The following RIF1 variants were observed in gnomAD, a reference collection of about 807,000 sequenced individuals.
RIF1 encodes replication timing regulatory factor 1, also known as telomere-associated protein RIF1.
A neutral mutation model predicts 247.1 loss-of-function variants in RIF1; 45 were observed. The ratio of observed to expected loss-of-function variants is 0.18; its 90% CI spans 0.14 to 0.23. The LOEUF (loss-of-function observed/expected upper bound fraction) is 0.23. RIF1 is among the 10% of genes least tolerant of loss of function. The probability of loss-of-function intolerance (pLI) is 1.00; values close to 1 mark genes in which losing one functional copy is unlikely to be tolerated. For synonymous variants in RIF1, 1,087 were observed against 978.8 expected, an observed-to-expected ratio of 1.11 and a Z score of -2.06; for missense variants, 2,967 against 2,862.5, an observed-to-expected ratio of 1.04 and a Z score of -0.83.
At chr2:151,419,478 A>G (rs1264495434) in intron 6 of RIF1, among the ~76,000 whole-genome samples, 3 of 151,926 alleles carry the variant, frequency 2.0e-5, no homozygotes, top group African/African-American at 4.8e-5. Context: ...AGCATGTGCC[A>G]CCACACCCAG....
Position 151,432,032 on chromosome 2 carries a change from G to A in RIF1, c.926-1045G>A, listed in dbSNP as rs892217299. Among the ~76,000 whole-genome samples the A allele has an allele frequency of 7.9e-5, 12 of 151,762 alleles. No homozygotes were observed. The East Asian group carries it at 2.3e-3, about 29-fold the overall frequency. On this transcript the variant is annotated intron_variant, in intron 9 of 35. Transcript: ENST00000444746. ...ATTTATTTATTTATTTATTCAGGACGGAGTCTCACTCTGTCACCCAGCCTG... is the reference window on the plus strand; with the variant it reads ...ATTTATTTATTTATTTATTCAGGACAGAGTCTCACTCTGTCACCCAGCCTG...
At chr2:151,508,593 G>A (rs921756332), downstream of RIF1, among the ~76,000 whole-genome samples, 4 of 152,248 alleles carry the variant, frequency 2.6e-5, no homozygotes, top group Non-Finnish European at 5.9e-5. Context: ...GAGCAGGTGC[G>A]GTCAGGGCTC....
chr2:151,491,317 C>G (rs1232166145), intron 9 of RIF1: 5 of 176,488 alleles, frequency 2.8e-5, no homozygotes, highest in Non-Finnish European at 4.9e-5. Flanking sequence ...GAATAAACTT[C>G]CTTGATGCAA....
chr2:151,470,881 G>A (rs1326085501), intron 34 of RIF1, among the ~76,000 whole-genome samples: 1 of 152,136 alleles, frequency 6.6e-6, no homozygotes, highest in African/African-American at 2.4e-5. Flanking sequence ...TGGGTCTTGG[G>A]AAAGTCTATG....
Position 151,463,129 on chromosome 2 carries a change from T to C in RIF1, c.3609T>C (p.Ser1203=), listed in dbSNP as rs895186842. The part of the protein sequence containing the change: ...NSFVVSSSSV[S]NTTVAGTPPY... ...TCGTTGTCAGCAGTAGTTCAGTTTCTAATACCACTGTTGCTGGAACTCCCC... is the reference window on the plus strand; with the variant it reads ...TCGTTGTCAGCAGTAGTTCAGTTTCCAATACCACTGTTGCTGGAACTCCCC... The change falls in exon 30 of 36, where the codon TCT becomes TCC. Residue 1203 remains serine (S), a synonymous_variant. Transcript: ENST00000444746. 1.2e-6 allele frequency: 2 copies of C among 1,613,968 alleles called. No homozygotes were observed. The highest frequency in any genetic ancestry group is 2.7e-5 in the African/African-American group (2 of 74,950).
At chr2:151,437,591 G>A (rs964731725) in intron 13 of RIF1, among the ~76,000 whole-genome samples, 55 of 152,182 alleles carry the variant, frequency 3.6e-4, no homozygotes, top group East Asian at 3.9e-4. Flanking sequence ...CTCGGGAGGC[G>A]GAGGCATGAG....
intron 14 of RIF1, among the ~76,000 whole-genome samples, chr2:151,439,363 G>A (rs1029257101): frequency 6.6e-6 from 1 of 152,196 alleles, no homozygotes; most frequent in South Asian, 2.1e-4. Context: ...AAAATTACAT[G>A]CTTAGAAATA....
At chr2:151,515,045 T>A in the RIF1 span, 1 of 655,862 alleles carries the variant, frequency 1.5e-6, no homozygotes, top group African/African-American at 1.8e-5. Context: ...TAATCATAGT[T>A]CTGCTAATGG....
chr2:151,486,782 A>G (rs143709169), downstream of RIF1: 55 of 152,350 alleles, frequency 3.6e-4, 1 homozygote, highest in African/African-American at 1.3e-3. Context: ...GGTTTTATTT[A>G]TATGAAATGT....
chr2:151,497,822 G>A, intron 10 of RIF1: 1 of 1,527,168 alleles, frequency 6.5e-7, no homozygotes, highest in South Asian at 1.3e-5. Flanking sequence ...GGAGCCAGAA[G>A]TTATATGCTG....
the RIF1 span, chr2:151,520,067 C>T: frequency 4.8e-6 from 1 of 208,176 alleles, no homozygotes; most frequent in Admixed American, 5.6e-5. Flanking sequence ...GAAAAGGCTT[C>T]AGGCTAAATT....
At chr2:151,498,714 A>G (rs2062075302) in intron 10 of RIF1, among the ~76,000 whole-genome samples, 1 of 152,190 alleles carries the variant, frequency 6.6e-6, no homozygotes, top group Admixed American at 6.5e-5. Context: ...TGATTTGAAA[A>G]TGCTGTTAAT....
chr2:151,461,737 C>A (rs1696205135), intron 27 of RIF1, among the ~76,000 whole-genome samples: 1 of 152,094 alleles, frequency 6.6e-6, no homozygotes, highest in African/African-American at 2.4e-5. Context: ...TACATAAATG[C>A]ATTTCATAAT....
chr2:151,497,086 T>C, intron 10 of RIF1: 12 of 1,531,252 alleles, frequency 7.8e-6, no homozygotes, highest in Non-Finnish European at 9.7e-6. Flanking sequence ...ATTTCATTTG[T>C]TGAAAGGTTT....
Position 151,473,969 on chromosome 2 carries a change from G to C in RIF1, c.7101G>C (p.Lys2367Asn). The C allele has an allele frequency of 6.4e-7, 1 of 1,551,666 alleles. No homozygotes were observed. The highest frequency in any genetic ancestry group is 8.9e-7 in the Non-Finnish European group (1 of 1,129,510). Residue 2367 changes from lysine to asparagine, a missense_variant, in exon 35 of 36, where the codon AAG (lysine) becomes AAC (asparagine). Around this residue, in one of 7 missense-constraint regions of RIF1, gnomAD observed 151 missense variants for 163.4 expected, o/e 0.92. Coordinates refer to ENST00000444746, the MANE Select transcript of RIF1 (RefSeq NM_018151.5). ...ALRIYHEQQV[K>N]TRGLEEIPVF... is the part of the protein sequence containing the mutation. ...CTGCTCCAACTGTAATCAAGGTGAA[G>C]ACTCGTGGACTAGAAGAGATTCCAG...
intron 9 of RIF1, chr2:151,493,456 C>A: frequency 6.5e-7 from 1 of 1,544,920 alleles, no homozygotes; most frequent in Non-Finnish European, 8.8e-7. Context: ...CTAGGGAAGC[C>A]AAAAGAGCAT....
intron 20 of RIF1, among the ~76,000 whole-genome samples, chr2:151,447,970 C>T (rs1693612500): frequency 6.6e-6 from 1 of 152,028 alleles, no homozygotes; most frequent in South Asian, 2.1e-4. Context: ...TTTGTTGTGC[C>T]TGTTTTCTCT....
Position 151,464,008 on chromosome 2 carries a change from T to G in RIF1, c.4488T>G (p.Asn1496Lys). ...AGACTCTTGGGGAAACTAGTGCTAA[T>G]GCAGAAACTGAACAAAATAAAAAAA... ...HEKTLGETSA[N>K]AETEQNKKKA... Residue 1496 changes from asparagine (N) to lysine (K), a missense_variant, in exon 30 of 36, where the codon AAT (asparagine) becomes AAG (lysine). Physicochemically the swap from Asn to Lys is moderately conservative, Grantham distance 94. Transcript: ENST00000444746. 1 of 1,609,552 alleles carries G rather than the reference T, an allele frequency of 6.2e-7. No individual in the cohort carries two copies. Among genetic ancestry groups the G allele is most frequent in the South Asian group, 1.1e-5 (1 of 90,126 alleles).
Position 151,458,858 on chromosome 2 carries a change from G to T in RIF1, c.2903G>T (p.Gly968Val), listed in dbSNP as rs776588964. Residue 968 changes from glycine to valine, a missense_variant, in exon 25 of 36, where the codon GGT becomes GTT. Gly to Val is a moderately radical substitution (Grantham distance 109). This residue lies in a region of RIF1 where 2,028 missense variants were observed against 1,825.6 expected (regional missense o/e 1.11). Transcript: ENST00000444746. ...CAAAAATTTCTGCTCCTGTTGCCTGGTTTGGAAACTGTTGAAATGATGGAG... is the reference window on the plus strand; with the variant it reads ...CAAAAATTTCTGCTCCTGTTGCCTGTTTTGGAAACTGTTGAAATGATGGAG... The part of the protein sequence containing the change: ...AKQKFLLLLP[G>V]LETVEMMEES... The T allele has an allele frequency of 6.8e-6, 11 of 1,613,382 alleles. No homozygotes were observed. Among genetic ancestry groups the T allele is most frequent in the African/African-American group, 1.3e-5 (1 of 75,006 alleles).
Sources: gnomAD v4.1 joint callset for allele counts (sites outside exome capture counted in the v4.1 genomes callset) on GRCh38, gnomAD v4.1.1 for gene constraint, gnomAD v4.1.1 regional missense constraint, MANE v1.5 for transcripts, NCBI Gene and HGNC (gene_info 2026-07-23, HGNC 2026-07-21) for gene names.